The following COL11A1 variants were observed in gnomAD, a reference collection of about 807,000 sequenced individuals.
COL11A1 encodes collagen type XI alpha 1 chain, also known as collagen alpha-1(XI) chain.
In COL11A1, 74 loss-of-function variants were observed where a neutral mutation model predicts 265.2. The observed-to-expected ratio is 0.28, with a 90% CI of 0.23 to 0.34. The LOEUF (loss-of-function observed/expected upper bound fraction) is 0.34. COL11A1 is among the 10% of genes least tolerant of loss of function. The probability of loss-of-function intolerance (pLI) is 1.00; values close to 1 mark genes in which losing one functional copy is unlikely to be tolerated. For missense variants in COL11A1, 2,165 were observed against 2,263.6 expected (o/e 0.96, Z 0.88); for synonymous variants, 816 against 727.6 (o/e 1.12, Z -1.96).
rs191841729 is a variant in COL11A1, at chr1:103,012,707, A to G, written c.1573-238T>C. ...ATAAAATCTTGTAATATATATTGCT[A>G]TGACTTAATCAAAAATAAAAGTTAA... On this transcript the variant is annotated intron_variant, in intron 13 of 66. Coordinates refer to ENST00000370096, the MANE Select transcript of COL11A1 (RefSeq NM_001854.4). 1.4e-3 allele frequency among the ~76,000 whole-genome samples: 217 copies of G among 152,342 alleles called. 1 individual carries two copies. The highest frequency in any genetic ancestry group is 4.0e-3 in the Admixed American group (61 of 15,304).
rs112997776 is a variant in COL11A1 at position 102,880,475 on chromosome 1, A to G, written c.5041-559T>C. On this transcript the variant is annotated intron_variant, in intron 65 of 66. Coordinates refer to ENST00000370096, the MANE Select transcript of COL11A1 (RefSeq NM_001854.4). ...ATGCCTGTTTATCTATTTTTAGATG[A>G]TGTGTGTATTCAACATTGTATTGCC... Among the ~76,000 whole-genome samples the G allele has an allele frequency of 3.4e-3, 514 of 152,272 alleles. 4 individuals are homozygous for G. The highest frequency in any genetic ancestry group is 0.011 in the African/African-American group (475 of 41,574).
chr1:102,881,742 C>A lies in COL11A1; in HGVS notation c.4995G>T (p.Lys1665Asn). The A allele has an allele frequency of 1.2e-6, 2 of 1,612,592 alleles. No individual in the cohort carries two copies. Among genetic ancestry groups the A allele is most frequent in the Non-Finnish European group, 1.7e-6 (2 of 1,179,106 alleles). Reference sequence around the variant, plus strand: ...CACTAAACCAACTTCCTGGTTTCTCCTTTGGCCATGATGAAATTCTTACCT... The same window carrying A: ...CACTAAACCAACTTCCTGGTTTCTCATTTGGCCATGATGAAATTCTTACCT... ...SEGVRISSWPKEKPGSWFSEF... is the reference protein window; with the variant it reads ...SEGVRISSWPNEKPGSWFSEF... Residue 1665 changes from lysine (K) to asparagine (N), a missense_variant, in exon 65 of 67, where the codon AAG becomes AAT. Coordinates refer to ENST00000370096, the MANE Select transcript of COL11A1 (RefSeq NM_001854.4).
At chr1:102,903,475 C>T (rs1653497241) in intron 54 of COL11A1, among the ~76,000 whole-genome samples, 1 of 151,986 alleles carries the variant, frequency 6.6e-6, no homozygotes, top group South Asian at 2.1e-4. Context: ...TTATTGTTTC[C>T]ACAGTGGGAA....
chr1:103,038,419 C>T (rs761035774), intron 4 of COL11A1, among the ~76,000 whole-genome samples: 1 of 151,966 alleles, frequency 6.6e-6, no homozygotes, highest in Non-Finnish European at 1.5e-5. Flanking sequence ...GAGCCAAGAT[C>T]GCGCCACTGC....
At chr1:102,960,369 G>A (rs932247953) in intron 41 of COL11A1, among the ~76,000 whole-genome samples, 5 of 151,964 alleles carry the variant, frequency 3.3e-5, no homozygotes, top group African/African-American at 7.3e-5. Context: ...TTCAGGCACC[G>A]TATTTTGAGT....
intron 7 of COL11A1, 61 bp downstream of exon 7, chr1:103,025,460 T>C (rs1200631419): frequency 1.7e-6 from 2 of 1,152,284 alleles, no homozygotes; most frequent in Middle Eastern, 2.7e-4. Flanking sequence ...GTGAAGTATA[T>C]CAAAATAAAT....
chr1:102,895,089 G>C (rs1570653391), intron 57 of COL11A1, among the ~76,000 whole-genome samples: 1 of 152,180 alleles, frequency 6.6e-6, no homozygotes, highest in East Asian at 1.9e-4. Context: ...TTTACCATGT[G>C]AAATATGTAC....
chr1:103,035,032 A>G (rs1187838949), intron 4 of COL11A1, among the ~76,000 whole-genome samples: 1 of 152,124 alleles, frequency 6.6e-6, no homozygotes, highest in Non-Finnish European at 1.5e-5. Flanking sequence ...AATGGAACCA[A>G]TTAGTATCCC....
In COL11A1 at chr1:102,879,794, A is replaced by G. The variant is rs1230372153; in HGVS notation, c.5163T>C (p.Tyr1721=). The G allele has an allele frequency of 6.2e-7, 1 of 1,613,892 alleles. No individual in the cohort carries two copies. The part of the protein sequence containing the change: ...TYHCHQSAAW[Y]DVSSGSYDKA... ...TGTCATAACTTCCTGATGACACATC[A>G]TACCAGGCTGCTGACTGATGACAGT... is the stretch of plus-strand genomic sequence containing the variant. The change falls in exon 66 of 67, where the codon TAT becomes TAC. Residue 1721 remains tyrosine, a synonymous_variant. Coordinates refer to ENST00000370096, the MANE Select transcript of COL11A1 (RefSeq NM_001854.4).
intron 4 of COL11A1, among the ~76,000 whole-genome samples, chr1:103,054,001 T>A (rs192328306): frequency 4.9e-4 from 74 of 152,312 alleles, no homozygotes; most frequent in African/African-American, 1.7e-3. Context: ...GTTACAAAAC[T>A]CTAATTTACC....
chr1:103,108,002 G>T, intron 1 of COL11A1, 71 bp downstream of exon 1: 16 of 1,038,546 alleles, frequency 1.5e-5, no homozygotes, highest in Non-Finnish European at 2.2e-5. Flanking sequence ...GAAGGGTAAA[G>T]TGGGGGGAGG....
At chr1:103,107,979 G>GTTT in intron 1 of COL11A1, 94 bp downstream of exon 1, 1 of 766,358 alleles carries the variant, frequency 1.3e-6, no homozygotes. Flanking sequence ...TTTTTTTCTT[G>GTTT]AAGAGCGGGG....
At chr1:102,983,686 A>T (rs2101711077) in intron 31 of COL11A1, among the ~76,000 whole-genome samples, 1 of 152,170 alleles carries the variant, frequency 6.6e-6, no homozygotes, top group Non-Finnish European at 1.5e-5. Flanking sequence ...GTTTTAAGTT[A>T]ATACGTTTGT....
At chr1:102,977,377 A>G (rs1325803617) in intron 35 of COL11A1, among the ~76,000 whole-genome samples, 1 of 152,186 alleles carries the variant, frequency 6.6e-6, no homozygotes, top group Non-Finnish European at 1.5e-5. Flanking sequence ...GATTACTAAA[A>G]CAACAAAACA....
intron 42 of COL11A1, among the ~76,000 whole-genome samples, 183 bp downstream of exon 42, chr1:102,946,666 T>A (rs1659314953): frequency 6.6e-6 from 1 of 151,928 alleles, no homozygotes; most frequent in African/African-American, 2.4e-5. Flanking sequence ...TGTGGGAAAA[T>A]GTCATCTCAT....
In COL11A1 at chr1:103,030,839, C is replaced by T. The variant is rs969395960; in HGVS notation, c.780+277G>A. On this transcript the variant is annotated intron_variant, in intron 5 of 66. Transcript: ENST00000370096. ...TCGAAATATCGCTATTACATATTAT[C>T]TTCTTCTCACCCCCTCCAAAATGGA... The T allele has an allele frequency of 6.8e-5, 27 of 395,888 alleles. No homozygotes were observed. The Admixed American group carries it at 9.9e-4, about 15-fold the overall frequency. 24.5% of individuals were successfully genotyped at this position (395,888 alleles called of 1,614,324 possible).
chr1:103,033,283 G>A (rs12750377), intron 4 of COL11A1, among the ~76,000 whole-genome samples: 5,183 of 151,782 alleles, frequency 0.034, 117 homozygotes, highest in Middle Eastern at 0.093. Context: ...TGTTTTCTAC[G>A]TTTTCTGCCT....
intron 63 of COL11A1, among the ~76,000 whole-genome samples, chr1:102,884,802 G>A (rs1463534300): frequency 1.3e-5 from 2 of 152,108 alleles, no homozygotes; most frequent in Admixed American, 6.5e-5. Flanking sequence ...CCCTCCAGTC[G>A]TCCGCTTGAC....
chr1:102,988,404 T>C (rs1301616340), intron 29 of COL11A1, among the ~76,000 whole-genome samples: 1 of 152,218 alleles, frequency 6.6e-6, no homozygotes, highest in African/African-American at 2.4e-5. Flanking sequence ...TAGTCTCCTA[T>C]TCAGCTAACT....
Sources: allele counts gnomAD v4.1 joint callset (sites outside exome capture counted in the v4.1 genomes callset), GRCh38; gene constraint gnomAD v4.1.1; transcripts MANE v1.5; gene names NCBI Gene and HGNC (gene_info 2026-07-23, HGNC 2026-07-21).